Variants in IGSF9B observed in about 807,000 individuals in gnomAD.
IGSF9B encodes immunoglobulin superfamily member 9B, also known as protein turtle homolog B.
Under a neutral mutation model 143.7 loss-of-function variants are expected in IGSF9B, and 48 were observed. The observed-to-expected ratio is 0.33, with a 90% CI of 0.26 to 0.42. The LOEUF is 0.42. IGSF9B is among the 20% of genes least tolerant of loss of function. IGSF9B has a pLI of 1.00. For missense variants in IGSF9B, 1,706 were observed against 1,980.0 expected, an observed-to-expected ratio of 0.86 and a Z score of 2.63; for synonymous variants, 903 against 833.1, an observed-to-expected ratio of 1.08 and a Z score of -1.44.
In IGSF9B at chr11:133,931,161, G is replaced by A. The variant is rs1939721277; in HGVS notation, c.1369-27C>T. The A allele has an allele frequency of 1.2e-6, 2 of 1,600,312 alleles. No homozygotes were observed. Among genetic ancestry groups the A allele is most frequent in the African/African-American group, 2.7e-5 (2 of 74,636 alleles). Reference sequence around the variant, plus strand: ...TTGGTGAACAAGGGGCAGGGAAGAGGGTGGGAACAGAAATGGGGGTTAGGA... The same window carrying A: ...TTGGTGAACAAGGGGCAGGGAAGAGAGTGGGAACAGAAATGGGGGTTAGGA... On this transcript the variant is annotated intron_variant, in intron 10 of 19. Coordinates refer to ENST00000533871, the MANE Select transcript of IGSF9B (RefSeq NM_001277285.4). This position sits in a 1 kb window ranked among gnomAD's most constrained non-coding sequence, Gnocchi z 7.7.
rs561127292 is a variant in IGSF9B, at chr11:133,956,263, C to A, written c.64+428G>T. On this transcript the variant is annotated intron_variant, in intron 1 of 19. Coordinates refer to ENST00000533871, the MANE Select transcript of IGSF9B (RefSeq NM_001277285.4). ...CGGGTCGCGCCTCCCTGCAGGCGCT[C>A]CTCGCGGCGCGGGGCTCTAGCGTGC... Among the ~76,000 whole-genome samples, 5 of 152,204 alleles carry A rather than the reference C, an allele frequency of 3.3e-5. No individual in the cohort carries two copies. In the East Asian group the frequency reaches 9.7e-4, roughly 30 times the overall value.
chr11:133,919,554 C>T (rs1245085335), intron 18 of IGSF9B, among the ~76,000 whole-genome samples, 188 bp downstream of exon 18: 1 of 152,158 alleles, frequency 6.6e-6, no homozygotes, highest in Non-Finnish European at 1.5e-5. Flanking sequence ...GGCAGGTGGG[C>T]CCGCTGCGCC....
rs756305133 is a variant in IGSF9B, at chr11:133,919,129, T to TGGGGGGGGGGGGG, written c.3983+612_3983+613insCCCCCCCCCCCCC. On this transcript the variant is annotated intron_variant, in intron 18 of 19. Transcript: ENST00000533871. ...TCCTGCGAGGTATACGGGGGGGGGG[T>TGGGGGGGGGGGGG]GGGGGACGTGTCCTGCACATGGTCA... The TGGGGGGGGGGGGG allele has an allele frequency of 1.2e-3, 211 of 175,838 alleles. 1 individual carries two copies. Among genetic ancestry groups the TGGGGGGGGGGGGG allele is most frequent in the South Asian group, 2.1e-3 (53 of 24,696 alleles). The allele number at this position is 175,838 out of a possible 1,614,324, so 10.9% of individuals were successfully genotyped here.
intron 2 of IGSF9B, among the ~76,000 whole-genome samples, chr11:133,944,818 A>G (rs4937860): frequency 0.091 from 13,826 of 152,272 alleles, 862 homozygotes; most frequent in East Asian, 0.25. Flanking sequence ...TCCCTATCCC[A>G]GCAGCATTTC....
At position 133,946,053 on chromosome 11, in the gene IGSF9B, G is replaced by A. The variant is rs1940043743; in HGVS notation, c.262+8C>T. On this transcript the variant is annotated splice_region_variant and intron_variant, in intron 2 of 19. Coordinates refer to ENST00000533871, the MANE Select transcript of IGSF9B (RefSeq NM_001277285.4). ...GAAGGTGCGGGAGACCGGGTGCCCA[G>A]ACCTTACCTGCATACTCAGGGTCCA... 1 of 1,548,456 alleles carries A rather than the reference G, an allele frequency of 6.5e-7. No individual in the cohort carries two copies. Among genetic ancestry groups the A allele is most frequent in the East Asian group, 2.4e-5 (1 of 42,300 alleles).
In IGSF9B at chr11:133,931,032, T is replaced by C; in HGVS notation, c.1471A>G (p.Thr491Ala). The change falls in exon 11 of 20, where the codon ACC becomes GCC. Residue 491 changes from threonine to alanine, a missense_variant. Coordinates refer to ENST00000533871, the MANE Select transcript of IGSF9B (RefSeq NM_001277285.4). This position sits in a 1 kb window ranked among gnomAD's most constrained non-coding sequence, Gnocchi z 7.7. ...EDHGEWECVATNVVTSITAST... is the reference protein window; with the variant it reads ...EDHGEWECVAANVVTSITAST... ...GCAGTGATGCTCGTGACCACGTTGGTGGCGACACATTCCCACTCCCCGTGG... is the reference window on the plus strand; with the variant it reads ...GCAGTGATGCTCGTGACCACGTTGGCGGCGACACATTCCCACTCCCCGTGG... The C allele has an allele frequency of 6.2e-7, 1 of 1,613,634 alleles. No individual in the cohort carries two copies. Among genetic ancestry groups the C allele is most frequent in the Non-Finnish European group, 8.5e-7 (1 of 1,179,764 alleles).
At chr11:133,942,804 G>A (rs1048341561) in intron 3 of IGSF9B, among the ~76,000 whole-genome samples, 1 of 152,160 alleles carries the variant, frequency 6.6e-6, no homozygotes, top group Non-Finnish European at 1.5e-5. Context: ...CAGGTGGTCA[G>A]AACAATCCCC....
chr11:133,935,957 G>C, intron 6 of IGSF9B, 96 bp downstream of exon 6: 2 of 1,469,050 alleles, frequency 1.4e-6, no homozygotes, highest in Non-Finnish European at 1.8e-6. Context: ...AGCTCCAAGA[G>C]CCACGGGCAG....
chr11:133,922,096 T>A (rs1004843957), intron 17 of IGSF9B, 81 bp downstream of exon 17: 3 of 1,166,600 alleles, frequency 2.6e-6, no homozygotes, highest in Non-Finnish European at 2.5e-6. Flanking sequence ...AACACTAACA[T>A]GGGGCTGGGT....
intron 18 of IGSF9B, among the ~76,000 whole-genome samples, chr11:133,917,435 C>T (rs1204602525): frequency 6.6e-6 from 1 of 152,074 alleles, no homozygotes; most frequent in African/African-American, 2.4e-5. Context: ...AGCTCAATGC[C>T]TGTCTGCCCA....
At chr11:133,930,741 G>A (rs1939708002) in intron 11 of IGSF9B, among the ~76,000 whole-genome samples, 1 of 152,250 alleles carries the variant, frequency 6.6e-6, no homozygotes, top group Non-Finnish European at 1.5e-5. Flanking sequence ...GTGGGCTGCT[G>A]TGGACATCAG....
chr11:133,937,719 C>A, intron 4 of IGSF9B, 91 bp downstream of exon 4: 1 of 1,432,828 alleles, frequency 7.0e-7, no homozygotes. Context: ...TGTGCTTGTG[C>A]CTGTAGCATC....
At chr11:133,930,452 G>A (rs768757870) in intron 11 of IGSF9B, among the ~76,000 whole-genome samples, 8 of 152,172 alleles carry the variant, frequency 5.3e-5, no homozygotes, top group Admixed American at 2.6e-4. Flanking sequence ...GATTATAGCC[G>A]TCAGGACCCA....
At position 133,956,772 on chromosome 11, in the gene IGSF9B, C is replaced by T. The variant is rs1052007035; in HGVS notation, c.-18G>A. On this transcript the variant is annotated 5_prime_UTR_variant, in exon 1 of 20. Coordinates refer to ENST00000533871, the MANE Select transcript of IGSF9B (RefSeq NM_001277285.4). The stretch of plus-strand genomic sequence containing the variant: ...CAAATCATAGTACTACCGCGCCAGC[C>T]CGGAGCCTCATCCTATCGCAAAGTG... The T allele has an allele frequency of 7.4e-6, 11 of 1,481,532 alleles. No homozygotes were observed. Among genetic ancestry groups the T allele is most frequent in the Admixed American group, 2.2e-5 (1 of 45,104 alleles). The allele number at this position is 1,481,532 out of a possible 1,614,324, so 91.8% of individuals were successfully genotyped here. A position where few individuals can be genotyped will look rare whatever the true frequency, so the allele number is the denominator to read the frequency against.
chr11:133,926,803 G>A, intron 13 of IGSF9B, 113 bp downstream of exon 13: 1 of 846,594 alleles, frequency 1.2e-6, no homozygotes, highest in Non-Finnish European at 1.9e-6. Flanking sequence ...ACGGCTCTGT[G>A]GAGCACTCAG....
At chr11:133,946,563 G>A (rs867021794) in intron 1 of IGSF9B, among the ~76,000 whole-genome samples, 11 of 152,256 alleles carry the variant, frequency 7.2e-5, no homozygotes, top group African/African-American at 1.9e-4. Flanking sequence ...TCAAAGAGCC[G>A]CAGGCGTCAT....
At chr11:133,914,292 C>T (rs146246996) in intron 18 of IGSF9B, among the ~76,000 whole-genome samples, 1 of 152,158 alleles carries the variant, frequency 6.6e-6, no homozygotes, top group African/African-American at 2.4e-5. Context: ...GGGAAAGAGC[C>T]AAGACTCTTA....
At chr11:133,929,424 G>C (rs1005833212) in intron 12 of IGSF9B, among the ~76,000 whole-genome samples, 1 of 152,204 alleles carries the variant, frequency 6.6e-6, no homozygotes, top group African/African-American at 2.4e-5. Context: ...TGAGCAGGGA[G>C]AGGGCACAGA....
At chr11:133,930,857 G>T in intron 11 of IGSF9B, 127 bp downstream of exon 11, 1 of 983,820 alleles carries the variant, frequency 1.0e-6, no homozygotes, top group Non-Finnish European at 1.5e-6. Context: ...GTTCAGGGCT[G>T]CACTGACTTA....
Sources: allele counts gnomAD v4.1 joint callset (sites outside exome capture counted in the v4.1 genomes callset), GRCh38; gene constraint gnomAD v4.1.1; non-coding constraint Gnocchi (gnomAD v3.1); transcripts MANE v1.5; gene names NCBI Gene and HGNC (gene_info 2026-07-23, HGNC 2026-07-21).